The following MED28 variants were observed in gnomAD, a reference collection of about 807,000 sequenced individuals.
MED28 encodes the protein mediator complex subunit 28.
A neutral mutation model predicts 21.3 loss-of-function variants in MED28; 26 were observed. The ratio of observed to expected loss-of-function variants is 1.22; its 90% CI spans 0.89 to 1.69. The LOEUF (loss-of-function observed/expected upper bound fraction) is 1.69, where lower values mean the gene tolerates loss of function less well. MED28 is among the 40% of genes most tolerant of loss of function. The pLI is 0.00. For missense variants in MED28, 257 were observed against 215.4 expected (o/e 1.19, Z -1.21); for synonymous variants, 110 against 87.6 (o/e 1.26, Z -1.43).
At position 17,628,220 on chromosome 4, in the gene MED28, ACATC is replaced by A. The variant is rs1280484976; in HGVS notation, c.*4424_*4427del. The A allele has an allele frequency of 1.3e-5, 2 of 150,970 alleles. No homozygotes were observed. The highest frequency in any genetic ancestry group is 6.6e-5 in the Admixed American group (1 of 15,158). The allele number at this position is 150,970 out of a possible 1,614,324, so 9.4% of individuals were successfully genotyped here. A position where few individuals can be genotyped will look rare whatever the true frequency, so the allele number is the denominator to read the frequency against. On this transcript the variant is annotated 3_prime_UTR_variant, in exon 4 of 4. Coordinates refer to ENST00000237380, the MANE Select transcript of MED28 (RefSeq NM_025205.5). ...CAGTTTACCACTCACAAAATACCAA[ACATC>A]CTTCTGCTGGTTAAAACGAGTGACA...
chr4:17,629,001 G>A lies in MED28; in HGVS notation c.*5203G>A, dbSNP rs531114229. 4 of 152,488 alleles carry A rather than the reference G, an allele frequency of 2.6e-5. No homozygotes were observed. The highest frequency in any genetic ancestry group is 1.9e-4 in the East Asian group (1 of 5,198). The allele number at this position is 152,488 out of a possible 1,614,324, so 9.4% of individuals were successfully genotyped here. ...ACTGTGAGTGCCCGGGGCCTCTGTC[G>A]TTATCTTGGAGGATCACTTTGAGGT... is the stretch of plus-strand genomic sequence containing the variant. On this transcript the variant is annotated 3_prime_UTR_variant, in exon 4 of 4. Transcript: ENST00000237380.
chr4:17,621,359 A>C (rs1249852294), intron 2 of MED28, among the ~76,000 whole-genome samples: 3 of 151,258 alleles, frequency 2.0e-5, no homozygotes, highest in Non-Finnish European at 2.9e-5. Flanking sequence ...CTATATTAAT[A>C]TCTCTCTCTT....
intron 3 of MED28, among the ~76,000 whole-genome samples, chr4:17,622,978 G>A (rs187258769): frequency 6.7e-4 from 102 of 152,288 alleles, no homozygotes; most frequent in African/African-American, 1.6e-3. Context: ...TTCCTCCCTC[G>A]ACACATGGGA....
Position 17,630,473 on chromosome 4 carries a change from G to T in MED28, c.*6675G>T, listed in dbSNP as rs1714893125. On this transcript the variant is annotated 3_prime_UTR_variant, in exon 4 of 4. Coordinates refer to ENST00000237380, the MANE Select transcript of MED28 (RefSeq NM_025205.5). The stretch of plus-strand genomic sequence containing the variant: ...GCAGGCACCCATTTCTGAAGAATGG[G>T]CCCTCCCCAGACTCCATATCTGCTG... 1 of 152,136 alleles carries T rather than the reference G, an allele frequency of 6.6e-6. No individual in the cohort carries two copies. The highest frequency in any genetic ancestry group is 2.1e-4 in the South Asian group (1 of 4,832). The allele number at this position is 152,136 out of a possible 1,614,324, so 9.4% of individuals were successfully genotyped here. A position where few individuals can be genotyped will look rare whatever the true frequency, so the allele number is the denominator to read the frequency against.
Position 17,625,547 on chromosome 4 carries a change from C to T in MED28, c.*1749C>T. ...AGATTGAGAACTATCCTATTTGGTGCTTAGTGAAAAGATTTTGAATTACTG... is the reference window on the plus strand; with the variant it reads ...AGATTGAGAACTATCCTATTTGGTGTTTAGTGAAAAGATTTTGAATTACTG... On this transcript the variant is annotated 3_prime_UTR_variant, in exon 4 of 4. Transcript: ENST00000237380. The T allele has an allele frequency of 2.9e-6, 1 of 349,350 alleles. No individual in the cohort carries two copies. The highest frequency in any genetic ancestry group is 2.2e-5 in the South Asian group (1 of 45,544). The allele number at this position is 349,350 out of a possible 1,614,324, so 21.6% of individuals were successfully genotyped here. A position where few individuals can be genotyped will look rare whatever the true frequency, so the allele number is the denominator to read the frequency against.
In MED28 at chr4:17,633,633, C is replaced by T; in HGVS notation, c.*9835C>T. The T allele has an allele frequency of 2.2e-6, 3 of 1,364,976 alleles. No individual in the cohort carries two copies. Among genetic ancestry groups the T allele is most frequent in the Non-Finnish European group, 9.6e-7 (1 of 1,045,648 alleles). The allele number at this position is 1,364,976 out of a possible 1,614,324, so 84.6% of individuals were successfully genotyped here. On this transcript the variant is annotated 3_prime_UTR_variant, in exon 4 of 4. Transcript: ENST00000237380. ...CAGGTGCTAGAAAGAATCCTACTTC[C>T]CCTCTTATCTACAGGGAAATAGAAT...
intron 3 of MED28, 53 bp downstream of exon 3, chr4:17,621,752 G>A: frequency 8.3e-7 from 1 of 1,197,906 alleles, no homozygotes; most frequent in East Asian, 2.4e-5. Flanking sequence ...GTGGTGCCAG[G>A]ATTCCTTTTA....
chr4:17,632,667 A>C lies in MED28; in HGVS notation c.*8869A>C. 2.2e-6 allele frequency: 3 copies of C among 1,364,062 alleles called. No homozygotes were observed. Among genetic ancestry groups the C allele is most frequent in the East Asian group, 5.1e-5 (2 of 39,556 alleles). 84.5% of individuals were successfully genotyped at this position (1,364,062 alleles called of 1,614,324 possible). On this transcript the variant is annotated 3_prime_UTR_variant, in exon 4 of 4. Coordinates refer to ENST00000237380, the MANE Select transcript of MED28 (RefSeq NM_025205.5). ...GTTTTTTTATATGGTTTTGAAAACT[A>C]TGCAAGAAGCAGCTTAATACCCACC...
chr4:17,623,697 A>G lies in MED28; in HGVS notation c.436A>G (p.Ile146Val), dbSNP rs1714697066. 1.2e-6 allele frequency: 2 copies of G among 1,614,114 alleles called. No individual in the cohort carries two copies. Among genetic ancestry groups the G allele is most frequent in the Admixed American group, 1.7e-5 (1 of 60,004 alleles). ...LRHWQQVLED[I>V]NVQHKKPADI... ...GCATTGGCAGCAGGTGCTGGAGGAC[A>G]TCAACGTGCAGCACAAAAAGCCCGC... Residue 146 changes from isoleucine (I) to valine (V), a missense_variant, in exon 4 of 4, where the codon ATC (isoleucine) becomes GTC (valine). Transcript: ENST00000237380.
intron 1 of MED28, among the ~76,000 whole-genome samples, chr4:17,618,605 C>A (rs1714527300): frequency 6.6e-6 from 1 of 152,120 alleles, no homozygotes; most frequent in Admixed American, 6.6e-5. Flanking sequence ...CAACCTCTGC[C>A]TCCCAGGTTC....
In MED28 at chr4:17,619,978, C is replaced by T. The variant is rs753011567; in HGVS notation, c.226+11C>T. On this transcript the variant is annotated intron_variant, in intron 2 of 3. Transcript: ENST00000237380. ...AAGAAATTCGAACCGGTAAGCATTC[C>T]CTCTGTGTACACAATGTTCTGGGCT... 2.5e-6 allele frequency: 4 copies of T among 1,611,364 alleles called. No individual in the cohort carries two copies. The African/African-American group carries it at 4.0e-5, about 16-fold the overall frequency.
chr4:17,629,635 ACT>A lies in MED28; in HGVS notation c.*5838_*5839del, dbSNP rs1714866803. On this transcript the variant is annotated 3_prime_UTR_variant, in exon 4 of 4. Coordinates refer to ENST00000237380, the MANE Select transcript of MED28 (RefSeq NM_025205.5). Reference sequence around the variant, plus strand: ...AGCCTGAAGAGATTTACCATTAAATACTGTTTTTTTCTCTCTCTTAACTTAAT... The same window carrying A: ...AGCCTGAAGAGATTTACCATTAAATAGTTTTTTTCTCTCTCTTAACTTAAT... 1 of 152,158 alleles carries A rather than the reference ACT, an allele frequency of 6.6e-6. No individual in the cohort carries two copies. The allele number at this position is 152,158 out of a possible 1,614,324, so 9.4% of individuals were successfully genotyped here. A position where few individuals can be genotyped will look rare whatever the true frequency, so the allele number is the denominator to read the frequency against.
chr4:17,616,397 A>T (rs1714452626), intron 1 of MED28, among the ~76,000 whole-genome samples: 2 of 152,196 alleles, frequency 1.3e-5, no homozygotes, highest in Admixed American at 1.3e-4. Context: ...GCTCTCAGTC[A>T]TGGGCACTTG....
chr4:17,627,533 T>C lies in MED28; in HGVS notation c.*3735T>C, dbSNP rs1350031861. Reference sequence around the variant, plus strand: ...TCTGGAGGTTGTGAAGGAGCACTGCTCAGTCCTCCCTTCAAGAAAGCAGCT... The same window carrying C: ...TCTGGAGGTTGTGAAGGAGCACTGCCCAGTCCTCCCTTCAAGAAAGCAGCT... On this transcript the variant is annotated 3_prime_UTR_variant, in exon 4 of 4. Coordinates refer to ENST00000237380, the MANE Select transcript of MED28 (RefSeq NM_025205.5). The C allele has an allele frequency of 6.6e-6, 1 of 152,284 alleles. No individual in the cohort carries two copies. Among genetic ancestry groups the C allele is most frequent in the Admixed American group, 6.5e-5 (1 of 15,272 alleles). The allele number at this position is 152,284 out of a possible 1,614,324, so 9.4% of individuals were successfully genotyped here.
chr4:17,619,077 T>G (rs1714541832), intron 1 of MED28, among the ~76,000 whole-genome samples: 1 of 152,218 alleles, frequency 6.6e-6, no homozygotes, highest in Admixed American at 6.5e-5. Context: ...CTAACTCCTT[T>G]TCCAACTGCC....
chr4:17,629,604 T>A lies in MED28; in HGVS notation c.*5806T>A, dbSNP rs1173712193. The A allele has an allele frequency of 6.6e-6, 1 of 152,208 alleles. No individual in the cohort carries two copies. Among genetic ancestry groups the A allele is most frequent in the African/African-American group, 2.4e-5 (1 of 41,462 alleles). The allele number at this position is 152,208 out of a possible 1,614,324, so 9.4% of individuals were successfully genotyped here. A position where few individuals can be genotyped will look rare whatever the true frequency, so the allele number is the denominator to read the frequency against. On this transcript the variant is annotated 3_prime_UTR_variant, in exon 4 of 4. Coordinates refer to ENST00000237380, the MANE Select transcript of MED28 (RefSeq NM_025205.5). ...CATATTAACTCTTCCACCCCTGTCA[T>A]AATACAGCCTGAAGAGATTTACCAT...
In MED28 at chr4:17,623,927, C is replaced by A; in HGVS notation, c.*129C>A. Reference sequence around the variant, plus strand: ...ATGAGTTCATTTTAGTTTTATGCTCCCATTGAAAAATTTTCCACTATTTTT... The same window carrying A: ...ATGAGTTCATTTTAGTTTTATGCTCACATTGAAAAATTTTCCACTATTTTT... On this transcript the variant is annotated 3_prime_UTR_variant, in exon 4 of 4. Transcript: ENST00000237380. The A allele has an allele frequency of 9.6e-7, 1 of 1,045,732 alleles. No homozygotes were observed. The highest frequency in any genetic ancestry group is 1.4e-6 in the Non-Finnish European group (1 of 727,544). The allele number at this position is 1,045,732 out of a possible 1,614,324, so 64.8% of individuals were successfully genotyped here.
At position 17,614,716 on chromosome 4, in the gene MED28, C is replaced by T. The variant is rs375191348; in HGVS notation, c.62C>T (p.Pro21Leu). 3.1e-6 allele frequency: 5 copies of T among 1,614,244 alleles called. No homozygotes were observed. Among genetic ancestry groups the T allele is most frequent in the Admixed American group, 1.7e-5 (1 of 60,032 alleles). ...GQPPGPPQAP[P>L]GLPGQASLLQ... is the part of the protein sequence containing the mutation. ...CCACCCGGTCCCCCTCAGGCCCCGC[C>T]GGGCCTTCCGGGCCAAGCTTCGCTT... Residue 21 changes from proline (P) to leucine (L), a missense_variant, in exon 1 of 4, where the codon CCG (proline) becomes CTG (leucine). Coordinates refer to ENST00000237380, the MANE Select transcript of MED28 (RefSeq NM_025205.5).
rs142850648 is a variant in MED28, at chr4:17,630,348, A to G, written c.*6550A>G. The G allele has an allele frequency of 2.0e-5, 3 of 152,268 alleles. No individual in the cohort carries two copies. Among genetic ancestry groups the G allele is most frequent in the East Asian group, 1.9e-4 (1 of 5,174 alleles). The allele number at this position is 152,268 out of a possible 1,614,324, so 9.4% of individuals were successfully genotyped here. A position where few individuals can be genotyped will look rare whatever the true frequency, so the allele number is the denominator to read the frequency against. On this transcript the variant is annotated 3_prime_UTR_variant, in exon 4 of 4. Transcript: ENST00000237380. ...TAAGAGGTGGGGCTTTTGGGAAGCA[A>G]TGGAGTCATGAGGGCTTCACCCTCA...
Sources: allele counts gnomAD v4.1 joint callset (sites outside exome capture counted in the v4.1 genomes callset), GRCh38; gene constraint gnomAD v4.1.1; transcripts MANE v1.5; gene names NCBI Gene and HGNC (gene_info 2026-07-23, HGNC 2026-07-21).